Variants in DCAF8L2 observed in about 807,000 individuals in gnomAD.
DCAF8L2 encodes the protein DDB1 and CUL4 associated factor 8 like 2.
For missense variants in DCAF8L2, 430 were observed against 490.7 expected (o/e 0.88, Z 1.17); for synonymous variants, 200 against 190.9 (o/e 1.05, Z -0.39).
intron 2 of DCAF8L2, among the ~76,000 whole-genome samples, chrX:27,675,876 A>C (rs895394185): frequency 8.0e-5 from 9 of 112,439 alleles, no homozygotes; most frequent in Non-Finnish European, 1.3e-4. Context: ...AACAAAGTGG[A>C]CATAGTTATC....
At chrX:27,725,498 T>G (rs999269759) in intron 4 of DCAF8L2, among the ~76,000 whole-genome samples, 1 of 110,732 alleles carries the variant, frequency 9.0e-6, no homozygotes, top group Non-Finnish European at 1.9e-5. Flanking sequence ...AAATTTGACC[T>G]GCTGAATATA....
chrX:27,511,753 T>C, the DCAF8L2 span, among the ~76,000 whole-genome samples: 3 of 111,957 alleles, frequency 2.7e-5, no homozygotes, highest in Non-Finnish European at 5.6e-5. Context: ...CCAAACTATC[T>C]AATAGGCAAC....
intron 1 of DCAF8L2, among the ~76,000 whole-genome samples, chrX:27,595,779 G>A (rs761003415): frequency 1.7e-4 from 19 of 111,611 alleles, no homozygotes; most frequent in African/African-American, 3.9e-4. Flanking sequence ...AGGCTGAGGC[G>A]GGTGGATCAC....
chrX:27,490,696 A>G, the DCAF8L2 span, among the ~76,000 whole-genome samples: 1 of 110,903 alleles, frequency 9.0e-6, no homozygotes, highest in African/African-American at 3.3e-5. Context: ...TCCTGACCTT[A>G]TAATCCGCCC....
chrX:27,606,008 A>G (rs1926846849), intron 1 of DCAF8L2, among the ~76,000 whole-genome samples: 1 of 108,180 alleles, frequency 9.2e-6, no homozygotes, highest in African/African-American at 3.4e-5. Context: ...CTTGAGGGAA[A>G]GAGTCTGTTG....
At chrX:27,655,124 A>ATCTT (rs1157516084) in intron 2 of DCAF8L2, among the ~76,000 whole-genome samples, 1 of 111,206 alleles carries the variant, frequency 9.0e-6, no homozygotes, top group Admixed American at 9.6e-5. Context: ...GGGAAAAATT[A>ATCTT]AAAGTACAAG....
At chrX:27,609,604 A>G (rs1434294131) in intron 1 of DCAF8L2, among the ~76,000 whole-genome samples, 1 of 111,732 alleles carries the variant, frequency 8.9e-6, no homozygotes. Context: ...GGTCATCATC[A>G]GTGTTCCCAT....
the DCAF8L2 span, among the ~76,000 whole-genome samples, chrX:27,523,608 G>A: frequency 2.7e-5 from 3 of 110,525 alleles, no homozygotes; most frequent in Non-Finnish European, 5.7e-5. Context: ...ATGGTTAAAT[G>A]TTATAGTGCT....
intron 2 of DCAF8L2, among the ~76,000 whole-genome samples, chrX:27,637,067 ATTTCAC>A (rs1928532149): frequency 8.9e-6 from 1 of 112,036 alleles, no homozygotes; most frequent in Non-Finnish European, 1.9e-5. Context: ...TTAGAAAGCC[ATTTCAC>A]TTTCTGAGCA....
chrX:27,746,990 C>T lies in DCAF8L2; in HGVS notation c.95C>T (p.Ala32Val), dbSNP rs1266440439. Residue 32 changes from alanine (A) to valine (V), a missense_variant, in exon 5 of 5, where the codon GCG becomes GTG. Coordinates refer to ENST00000451261, the MANE Select transcript of DCAF8L2 (RefSeq NM_001353450.2). ...GAGGAGCAGTCTGGAGCCGTGGCGG[C>T]GACAGAGGCCTCCTCAGACATTGAC... Reference protein sequence around the residue: ...SPEEQSGAVAATEASSDIDIA... With the variant: ...SPEEQSGAVAVTEASSDIDIA... The T allele has an allele frequency of 6.7e-6, 8 of 1,192,927 alleles. No homozygotes were observed. Among genetic ancestry groups the T allele is most frequent in the Admixed American group, 2.3e-5 (1 of 43,504 alleles).
At chrX:27,534,896 G>A in the DCAF8L2 span, among the ~76,000 whole-genome samples, 1 of 111,710 alleles carries the variant, frequency 9.0e-6, no homozygotes, top group South Asian at 3.7e-4. Context: ...TCCATAGGGA[G>A]TTTATACTGA....
intron 4 of DCAF8L2, among the ~76,000 whole-genome samples, chrX:27,719,838 T>A (rs2147295581): frequency 8.9e-6 from 1 of 112,123 alleles, no homozygotes; most frequent in Admixed American, 9.5e-5. Flanking sequence ...AAATATTTTC[T>A]TCCATTCGGT....
At chrX:27,661,168 G>T (rs1388036250) in intron 2 of DCAF8L2, among the ~76,000 whole-genome samples, 2 of 111,906 alleles carry the variant, frequency 1.8e-5, no homozygotes, top group African/African-American at 6.5e-5. Flanking sequence ...TAGGGCTTGT[G>T]ACTGCTGAGG....
At chrX:27,629,844 A>C (rs1018747651) in intron 1 of DCAF8L2, among the ~76,000 whole-genome samples, 1 of 111,617 alleles carries the variant, frequency 9.0e-6, no homozygotes, top group Non-Finnish European at 1.9e-5. Context: ...ATGTCTGTAA[A>C]AAAATGCCAT....
chrX:27,519,174 A>G, the DCAF8L2 span: 260 of 1,135,481 alleles, frequency 2.3e-4, no homozygotes, highest in Middle Eastern at 7.8e-3. Flanking sequence ...AGGAAAGAAT[A>G]GAACGTGAAA....
At chrX:27,727,294 G>A (rs1292552575) in intron 4 of DCAF8L2, among the ~76,000 whole-genome samples, 1 of 111,039 alleles carries the variant, frequency 9.0e-6, no homozygotes, top group Non-Finnish European at 1.9e-5. Context: ...CAAATATACT[G>A]GTTTTAAAAA....
intron 2 of DCAF8L2, among the ~76,000 whole-genome samples, chrX:27,642,108 T>C (rs1461445923): frequency 9.2e-6 from 1 of 108,743 alleles, no homozygotes; most frequent in East Asian, 2.9e-4. Flanking sequence ...TTAGCCAGGA[T>C]GGTCTCAATC....
the DCAF8L2 span, among the ~76,000 whole-genome samples, chrX:27,547,319 C>T: frequency 8.9e-6 from 1 of 111,984 alleles, no homozygotes; most frequent in Non-Finnish European, 1.9e-5. Flanking sequence ...CTGTCTTCTT[C>T]TGAGCCCTCC....
chrX:27,618,502 G>A (rs1226069350), intron 1 of DCAF8L2, among the ~76,000 whole-genome samples: 4 of 111,765 alleles, frequency 3.6e-5, no homozygotes, highest in African/African-American at 1.3e-4. Flanking sequence ...TTAGACACAA[G>A]TAGCTATGGC....
Sources: allele counts gnomAD v4.1 joint callset (sites outside exome capture counted in the v4.1 genomes callset), GRCh38; gene constraint gnomAD v4.1.1; transcripts MANE v1.5; gene names NCBI Gene and HGNC (gene_info 2026-07-23, HGNC 2026-07-21).